ABI3BP: variants seen among roughly 807,000 people sequenced by gnomAD.
ABI3BP encodes the protein target of Nesh-SH3.
In ABI3BP, 216 loss-of-function variants were observed where a neutral mutation model predicts 268.6. The observed-to-expected ratio is 0.80, with a 90% CI of 0.72 to 0.90. The LOEUF (loss-of-function observed/expected upper bound fraction) is 0.90. ABI3BP is among the 40% of genes least tolerant of loss of function. The probability of loss-of-function intolerance (pLI) is 0.00; values close to 1 mark genes in which losing one functional copy is unlikely to be tolerated. For missense variants in ABI3BP, 2,090 were observed against 2,182.4 expected, an observed-to-expected ratio of 0.96 and a Z score of 0.84; for synonymous variants, 730 against 730.0, an observed-to-expected ratio of 1.00 and a Z score of 0.00.
intron 43 of ABI3BP, 31 bp downstream of exon 43, chr3:100,816,657 G>C (rs2098057088): frequency 2.6e-6 from 4 of 1,514,878 alleles, no homozygotes; most frequent in African/African-American, 1.4e-5. Context: ...CAGGTTCCTT[G>C]GCTACTTAAG....
chr3:100,874,867 A>C lies in ABI3BP; in HGVS notation c.884T>G (p.Ile295Ser), dbSNP rs1436822996. 1.3e-6 allele frequency: 2 copies of C among 1,598,614 alleles called. No homozygotes were observed. Among genetic ancestry groups the C allele is most frequent in the Non-Finnish European group, 1.7e-6 (2 of 1,171,288 alleles). The change falls in exon 9 of 68, where the codon ATT (isoleucine) becomes AGT (serine). Residue 295 changes from isoleucine to serine, a missense_variant. Ile to Ser is a moderately radical substitution (Grantham distance 142). Coordinates refer to ENST00000471714, the MANE Select transcript of ABI3BP (RefSeq NM_001375547.2). The stretch of plus-strand genomic sequence containing the variant: ...TAATTGTGTCTTGAGTGCATCTGAA[A>C]TCTCAAACATTAGGGATGCAGGAAG... ...VKLPASLMFE[I>S]SDALKTQLAK...
chr3:100,830,480 A>G, intron 32 of ABI3BP, 98 bp downstream of exon 32: 1 of 989,720 alleles, frequency 1.0e-6, no homozygotes, highest in Non-Finnish European at 1.5e-6. Context: ...GATAACACAG[A>G]AGCCTTGTGA....
intron 33 of ABI3BP, among the ~76,000 whole-genome samples, chr3:100,829,151 AAAGAAG>A (rs894217094): frequency 6.6e-6 from 1 of 151,564 alleles, no homozygotes; most frequent in Non-Finnish European, 1.5e-5. Context: ...AAAAAAAAAA[AAAGAAG>A]AAGAAGAAGA....
intron 29 of ABI3BP, among the ~76,000 whole-genome samples, chr3:100,833,380 T>C (rs2098524226): frequency 6.6e-6 from 1 of 152,202 alleles, no homozygotes. Flanking sequence ...CAGTTTTTCT[T>C]ATTTTTATAT....
At chr3:100,921,071 A>G (rs1022413705) in intron 2 of ABI3BP, among the ~76,000 whole-genome samples, 1 of 152,222 alleles carries the variant, frequency 6.6e-6, no homozygotes, top group African/African-American at 2.4e-5. Context: ...TAGGCAAGAT[A>G]GTGACTGAGA....
chr3:100,835,781 T>C, intron 27 of ABI3BP, 121 bp from the exon 28 acceptor site: 1 of 827,620 alleles, frequency 1.2e-6, no homozygotes. Flanking sequence ...TCTGGGAAAA[T>C]AGTATTTGTT....
At chr3:100,861,798 C>G (rs1426445118) in intron 14 of ABI3BP, among the ~76,000 whole-genome samples, 6 of 152,114 alleles carry the variant, frequency 3.9e-5, no homozygotes, top group African/African-American at 1.4e-4. Context: ...AGAGCGAGGC[C>G]TGGAACCAAG....
chr3:100,892,854 G>A (rs1202886633), intron 4 of ABI3BP, among the ~76,000 whole-genome samples: 1 of 152,178 alleles, frequency 6.6e-6, no homozygotes, highest in Non-Finnish European at 1.5e-5. Flanking sequence ...CCACATTTAG[G>A]AGATATAATA....
intron 1 of ABI3BP, among the ~76,000 whole-genome samples, chr3:100,964,721 C>A (rs2153830294): frequency 6.6e-6 from 1 of 152,316 alleles, no homozygotes; most frequent in African/African-American, 2.4e-5. Flanking sequence ...CACCCAACAG[C>A]CCAGAAATCT....
At chr3:100,798,455 G>A (rs1157539044) in intron 51 of ABI3BP, among the ~76,000 whole-genome samples, 1 of 151,796 alleles carries the variant, frequency 6.6e-6, no homozygotes, top group African/African-American at 2.4e-5. Flanking sequence ...ACAAGAGCAC[G>A]GTCCCTAAAA....
intron 1 of ABI3BP, among the ~76,000 whole-genome samples, chr3:100,936,276 A>G (rs536454083): frequency 7.9e-5 from 12 of 152,252 alleles, no homozygotes; most frequent in Admixed American, 3.9e-4. Context: ...GATGGATTAC[A>G]TTTATTAATT....
intron 43 of ABI3BP, chr3:100,816,481 G>C: frequency 1.6e-6 from 1 of 640,736 alleles, no homozygotes; most frequent in South Asian, 1.8e-5. Context: ...AAGTCATTTA[G>C]GAGATCAGGC....
At chr3:100,916,901 T>C (rs1561626171) in intron 2 of ABI3BP, among the ~76,000 whole-genome samples, 1 of 152,192 alleles carries the variant, frequency 6.6e-6, no homozygotes. Context: ...TGTATGTAGA[T>C]TGCATATAGA....
chr3:100,949,227 T>A (rs1189439577), intron 1 of ABI3BP, among the ~76,000 whole-genome samples: 1 of 152,146 alleles, frequency 6.6e-6, no homozygotes, highest in African/African-American at 2.4e-5. Flanking sequence ...AGTTTAACGA[T>A]CATCTCAATA....
rs576024720 is a variant in ABI3BP, at chr3:100,862,380, T to C, written c.1216A>G (p.Ser406Gly). 5.0e-6 allele frequency: 8 copies of C among 1,588,192 alleles called. No homozygotes were observed. In the African/African-American group the frequency reaches 9.4e-5, roughly 19 times the overall value. Residue 406 changes from serine to glycine, a missense_variant, in exon 14 of 68, where the codon AGT becomes GGT. Ser to Gly is a moderately conservative substitution (Grantham distance 56, BLOSUM62 0). Coordinates refer to ENST00000471714, the MANE Select transcript of ABI3BP (RefSeq NM_001375547.2). The part of the protein sequence containing the change: ...FEKPRGTLAS[S>G]EKPWIVPTAK... Reference sequence around the variant, plus strand: ...GTAGGCACAATCCATGGCTTTTCACTTGAAGCTATATTGAAAAGAAATGGA... The same window carrying C: ...GTAGGCACAATCCATGGCTTTTCACCTGAAGCTATATTGAAAAGAAATGGA...
chr3:100,901,752 C>A (rs1280787050), intron 3 of ABI3BP, among the ~76,000 whole-genome samples: 2 of 145,606 alleles, frequency 1.4e-5, no homozygotes, highest in Non-Finnish European at 3.0e-5. Context: ...GGCCACAGAG[C>A]AAGACTCCGT....
At chr3:100,845,926 A>G (rs1224411014) in intron 20 of ABI3BP, among the ~76,000 whole-genome samples, 1 of 151,844 alleles carries the variant, frequency 6.6e-6, no homozygotes, top group African/African-American at 2.4e-5. Context: ...ATCAGCCCCA[A>G]TTTAGAAGTC....
chr3:100,970,161 C>T (rs887578396), intron 1 of ABI3BP, among the ~76,000 whole-genome samples: 1 of 152,162 alleles, frequency 6.6e-6, no homozygotes, highest in Non-Finnish European at 1.5e-5. Context: ...CACTCTTATC[C>T]ATACGCATTC....
At chr3:100,866,278 C>T (rs1334689474) in intron 10 of ABI3BP, among the ~76,000 whole-genome samples, 1 of 152,086 alleles carries the variant, frequency 6.6e-6, no homozygotes, top group Non-Finnish European at 1.5e-5. Context: ...ATTAATGCCT[C>T]CCCCCTGGAC....
Sources: allele counts gnomAD v4.1 joint callset (sites outside exome capture counted in the v4.1 genomes callset), GRCh38; gene constraint gnomAD v4.1.1; transcripts MANE v1.5; gene names NCBI Gene and HGNC (gene_info 2026-07-23, HGNC 2026-07-21).